Variants in COL21A1 observed in about 807,000 individuals in gnomAD.
COL21A1 encodes the protein collagen alpha-1(XXI) chain.
In COL21A1, 149 loss-of-function variants were observed where a neutral mutation model predicts 137.9. The ratio of observed to expected loss-of-function variants is 1.08; its 90% CI spans 0.95 to 1.24. The LOEUF (loss-of-function observed/expected upper bound fraction) is 1.24. COL21A1 is among the 50% of genes most tolerant of loss of function. The pLI is 0.00. For missense variants in COL21A1, 1,167 were observed against 1,158.4 expected (o/e 1.01, Z -0.11); for synonymous variants, 456 against 391.5 (o/e 1.16, Z -1.95).
chr6:56,128,535 T>C (rs1025979907), intron 12 of COL21A1, among the ~76,000 whole-genome samples: 31 of 152,194 alleles, frequency 2.0e-4, no homozygotes, highest in Non-Finnish European at 4.1e-4. Context: ...AGACTTCCCA[T>C]ACAAGGATCT....
chr6:56,198,830 C>G (rs1279851966), intron 1 of COL21A1, among the ~76,000 whole-genome samples: 2 of 152,006 alleles, frequency 1.3e-5, no homozygotes, highest in Non-Finnish European at 2.9e-5. Flanking sequence ...TAAAATTTGT[C>G]TTGATATGAA....
chr6:56,251,019 C>A (rs941797775), upstream of COL21A1, among the ~76,000 whole-genome samples: 1 of 152,106 alleles, frequency 6.6e-6, no homozygotes, highest in Admixed American at 6.6e-5. Flanking sequence ...AAGTCATAGA[C>A]CCCCAAAATT....
intron 1 of COL21A1, among the ~76,000 whole-genome samples, chr6:56,255,163 G>A (rs1026691835): frequency 6.6e-6 from 1 of 152,114 alleles, no homozygotes; most frequent in African/African-American, 2.4e-5. Context: ...TGTGGGGTCG[G>A]TCAAGTCATA....
rs115737008 is a variant in COL21A1, at chr6:56,152,381, C to T, written c.1434+4506G>A. Among the ~76,000 whole-genome samples, 1,276 of 152,268 alleles carry T rather than the reference C, an allele frequency of 8.4e-3. 9 individuals are homozygous for T. Among genetic ancestry groups the T allele is most frequent in the Non-Finnish European group, 0.014 (931 of 68,024 alleles). ...TTAAATTAATGATATCTGCAAAGTT[C>T]CTTTTGCATGTAAAGTAACACATTT... On this transcript the variant is annotated intron_variant, in intron 10 of 29. Transcript: ENST00000244728.
At chr6:56,248,747 A>G (rs1582731058), upstream of COL21A1, among the ~76,000 whole-genome samples, 1 of 152,362 alleles carries the variant, frequency 6.6e-6, no homozygotes, top group Admixed American at 6.5e-5. Flanking sequence ...TGATACAAAC[A>G]TCTTCAAATG....
chr6:56,101,441 T>G (rs764671767), intron 17 of COL21A1, 31 bp downstream of exon 17: 8 of 1,535,060 alleles, frequency 5.2e-6, no homozygotes, highest in Non-Finnish European at 5.3e-6. Flanking sequence ...AAGAACTTCA[T>G]CTTTTAGAAC....
At chr6:56,079,796 T>A (rs1767589267) in intron 17 of COL21A1, among the ~76,000 whole-genome samples, 1 of 151,628 alleles carries the variant, frequency 6.6e-6, no homozygotes, top group Non-Finnish European at 1.5e-5. Flanking sequence ...GTCCATGAAG[T>A]CCTAATGGAT....
intron 1 of COL21A1, among the ~76,000 whole-genome samples, chr6:56,220,368 T>C (rs1341644436): frequency 1.3e-5 from 2 of 152,118 alleles, no homozygotes; most frequent in Admixed American, 6.6e-5. Flanking sequence ...ACAAAGGGAA[T>C]ATGTTTGCAA....
At chr6:56,199,652 T>G (rs1309118273) in intron 1 of COL21A1, among the ~76,000 whole-genome samples, 1 of 152,148 alleles carries the variant, frequency 6.6e-6, no homozygotes, top group Non-Finnish European at 1.5e-5. Context: ...TTGAGAAAAC[T>G]TTGGTTTATT....
rs563678405 is a variant in COL21A1, at chr6:56,301,870, A to C, written c.-39+92101T>G. 1.9e-3 allele frequency among the ~76,000 whole-genome samples: 282 copies of C among 146,838 alleles called. 2 individuals carry two copies. Among genetic ancestry groups the C allele is most frequent in the Non-Finnish European group, 3.4e-3 (228 of 67,070 alleles). The stretch of plus-strand genomic sequence containing the variant: ...TGCTATTTCTCCCCCCCCCAATCCC[A>C]CAACAGGCCCCGGTGTGTGATGTTC... On this transcript the variant is annotated intron_variant, in intron 1 of 28. Transcript: ENST00000370819.
At chr6:56,066,469 T>C (rs999127904) in intron 23 of COL21A1, among the ~76,000 whole-genome samples, 1 of 151,886 alleles carries the variant, frequency 6.6e-6, no homozygotes, top group African/African-American at 2.4e-5. Flanking sequence ...TTCAGCTTAT[T>C]CTGCATAGCA....
chr6:56,264,509 C>T (rs190989519), intron 1 of COL21A1, among the ~76,000 whole-genome samples: 80 of 152,298 alleles, frequency 5.3e-4, no homozygotes, highest in African/African-American at 1.9e-3. Context: ...AAACAATCTC[C>T]TCCTTTCATC....
intron 1 of COL21A1, among the ~76,000 whole-genome samples, chr6:56,226,996 A>G (rs1409586939): frequency 1.3e-5 from 2 of 151,906 alleles, no homozygotes; most frequent in African/African-American, 4.8e-5. Context: ...TTATTTTCCA[A>G]ACTTAAAATG....
intron 1 of COL21A1, among the ~76,000 whole-genome samples, chr6:56,324,505 C>T (rs866037463): frequency 3.3e-5 from 5 of 151,936 alleles, no homozygotes; most frequent in Admixed American, 1.3e-4. Context: ...TGCCTAACAT[C>T]CCCCTCTGAC....
At chr6:56,195,717 TAA>T in intron 1 of COL21A1, among the ~76,000 whole-genome samples, 1 of 152,072 alleles carries the variant, frequency 6.6e-6, no homozygotes, top group South Asian at 2.1e-4. Flanking sequence ...CTAGAACTAG[TAA>T]AGAGATTAAA....
upstream of COL21A1, among the ~76,000 whole-genome samples, chr6:56,249,213 C>G (rs190457750): frequency 6.6e-6 from 1 of 152,100 alleles, no homozygotes; most frequent in African/African-American, 2.4e-5. Flanking sequence ...ATAAGAAAAA[C>G]AATAAGTGTT....
At chr6:56,317,706 G>A (rs1274511958) in intron 1 of COL21A1, among the ~76,000 whole-genome samples, 5 of 151,854 alleles carry the variant, frequency 3.3e-5, no homozygotes, top group East Asian at 1.9e-4. Flanking sequence ...CTACCACCTC[G>A]TATATCTCCA....
chr6:56,162,306 A>C (rs1188393082), intron 9 of COL21A1, among the ~76,000 whole-genome samples: 2 of 152,190 alleles, frequency 1.3e-5, no homozygotes, highest in Non-Finnish European at 2.9e-5. Flanking sequence ...CAGATCAAAA[A>C]GGCACGCCAA....
At chr6:56,131,448 T>A (rs1222093785) in intron 12 of COL21A1, among the ~76,000 whole-genome samples, 2 of 151,688 alleles carry the variant, frequency 1.3e-5, no homozygotes, top group African/African-American at 4.8e-5. Context: ...GAGATACAAT[T>A]GTTTTTCTCA....
Sources: gnomAD v4.1 joint callset for allele counts (sites outside exome capture counted in the v4.1 genomes callset) on GRCh38, gnomAD v4.1.1 for gene constraint, MANE v1.5 for transcripts, NCBI Gene and HGNC (gene_info 2026-07-23, HGNC 2026-07-21) for gene names.